TMEM181: variants seen among roughly 807,000 people sequenced by gnomAD.
TMEM181 encodes transmembrane protein 181, also known as G protein-coupled receptor 178.
In TMEM181, 39 loss-of-function variants were observed where a neutral mutation model predicts 71.9. The observed-to-expected ratio is 0.54, with a 90% CI of 0.42 to 0.71. The LOEUF is 0.71. Ranked by LOEUF, TMEM181 falls within the 30% of genes least tolerant of loss-of-function variation. The probability of loss-of-function intolerance (pLI) is 0.00; values close to 1 mark genes in which losing one functional copy is unlikely to be tolerated. For synonymous variants in TMEM181, 245 were observed against 228.8 expected (o/e 1.07, Z -0.64); for missense variants, 595 against 583.0 (o/e 1.02, Z -0.21).
In TMEM181 at chr6:158,567,265, C is replaced by T. The variant is rs1438442523; in HGVS notation, c.9-6155C>T. ...GTCTTCCTGGCCTGGGTAGCTGGGC[C>T]GAGGACTTCCTCAGCTGGCATGCTG... On this transcript the variant is annotated intron_variant, in intron 1 of 16. Coordinates refer to ENST00000684151, the MANE Select transcript of TMEM181 (RefSeq NM_001376852.1). Among the ~76,000 whole-genome samples the T allele has an allele frequency of 4.6e-5, 7 of 152,120 alleles. No individual in the cohort carries two copies. In the East Asian group the frequency reaches 7.7e-4, roughly 17 times the overall value.
chr6:158,581,933 T>G (rs1044146158), intron 3 of TMEM181, among the ~76,000 whole-genome samples: 1 of 152,136 alleles, frequency 6.6e-6, no homozygotes, highest in Non-Finnish European at 1.5e-5. Flanking sequence ...ACAGTTGCCC[T>G]GTATCTTCGA....
intron 11 of TMEM181, among the ~76,000 whole-genome samples, chr6:158,624,496 G>C (rs950625613): frequency 6.6e-6 from 1 of 152,238 alleles, no homozygotes; most frequent in African/African-American, 2.4e-5. Flanking sequence ...TGTCCACCCC[G>C]CGGCCTGGCC....
At position 158,541,835 on chromosome 6, in the gene TMEM181, T is replaced by C. The variant is rs561810673; in HGVS notation, c.131+4970T>C. 7.2e-5 allele frequency among the ~76,000 whole-genome samples: 11 copies of C among 152,160 alleles called. No individual in the cohort carries two copies. The East Asian group carries it at 1.9e-3, about 27-fold the overall frequency. ...GTGTAACTATTGACTGACAACTCTG[T>C]CTTTTGTTTCTTTTTTTGGTGGGAG... On this transcript the variant is annotated intron_variant, in intron 1 of 16. Coordinates refer to the TMEM181 transcript ENST00000367090.
intron 4 of TMEM181, among the ~76,000 whole-genome samples, chr6:158,584,453 G>A (rs538214654): frequency 6.6e-6 from 1 of 152,290 alleles, no homozygotes. Flanking sequence ...AGTGGGTAGA[G>A]GGCAGAGGTG....
intron 10 of TMEM181, chr6:158,611,483 C>A (rs750057136): frequency 1.4e-4 from 76 of 528,624 alleles, no homozygotes; most frequent in Non-Finnish European, 2.2e-4. Flanking sequence ...TCGTATCATT[C>A]TGACTCTCAG....
At chr6:158,615,183 A>G (rs1004100316) in intron 10 of TMEM181, among the ~76,000 whole-genome samples, 3 of 152,068 alleles carry the variant, frequency 2.0e-5, no homozygotes, top group Non-Finnish European at 4.4e-5. Flanking sequence ...TGCCATTCTA[A>G]CTGGTGTGAG....
rs1166712211 is a variant in TMEM181 at position 158,632,339 on chromosome 6, T to C, written c.*451T>C. On this transcript the variant is annotated 3_prime_UTR_variant, in exon 17 of 17. Coordinates refer to ENST00000684151, the MANE Select transcript of TMEM181 (RefSeq NM_001376852.1). Reference sequence around the variant, plus strand: ...ACCCTTTAAACTCAAAGGGAAGCCTTATCTGTGGCTGCTTCAGGGCAGTCC... The same window carrying C: ...ACCCTTTAAACTCAAAGGGAAGCCTCATCTGTGGCTGCTTCAGGGCAGTCC... 5.6e-5 allele frequency: 10 copies of C among 179,384 alleles called. No individual in the cohort carries two copies. The South Asian group carries it at 1.1e-3, about 20-fold the overall frequency. 11.1% of individuals were successfully genotyped at this position (179,384 alleles called of 1,614,324 possible). A position where few individuals can be genotyped will look rare whatever the true frequency, so the allele number is the denominator to read the frequency against.
rs1268666697 is a variant in TMEM181, at chr6:158,608,607, A to G, written c.805-52A>G. On this transcript the variant is annotated intron_variant, in intron 9 of 16. Coordinates refer to ENST00000684151, the MANE Select transcript of TMEM181 (RefSeq NM_001376852.1). ...TCAATGGAAAAATCACGTTATGTAC[A>G]ATTACCAATTTGGTTTTCTTTATTT... 4 of 1,597,034 alleles carry G rather than the reference A, an allele frequency of 2.5e-6. No homozygotes were observed. The African/African-American group carries it at 5.4e-5, about 22-fold the overall frequency.
In TMEM181 at chr6:158,554,480, A is replaced by G. The variant is rs546487906; in HGVS notation, c.131+17615A>G. Among the ~76,000 whole-genome samples, 6 of 152,306 alleles carry G rather than the reference A, an allele frequency of 3.9e-5. No homozygotes were observed. In the South Asian group the frequency reaches 8.3e-4, roughly 21 times the overall value. ...GGTGATCCACCTGCCTCAGCCTCCCAAAGTGCTAGGATTATAGGCGTGAGC... is the reference window on the plus strand; with the variant it reads ...GGTGATCCACCTGCCTCAGCCTCCCGAAGTGCTAGGATTATAGGCGTGAGC... On this transcript the variant is annotated intron_variant, in intron 1 of 16. Transcript: ENST00000367090.
chr6:158,544,182 A>AGAGAGT (rs149735409), intron 1 of TMEM181, among the ~76,000 whole-genome samples: 8 of 127,552 alleles, frequency 6.3e-5, no homozygotes, highest in African/African-American at 2.4e-4. Flanking sequence ...AATTGGAGAG[A>AGAGAGT]GTGTGTGTGT....
In TMEM181 at chr6:158,632,569, A is replaced by G. The variant is rs1786722005; in HGVS notation, c.*681A>G. ...ATAAGTTGAATAAGGAAAGGCTAAG[A>G]TAATTTACAGGTTACCAACTCATGT... On this transcript the variant is annotated 3_prime_UTR_variant, in exon 17 of 17. Transcript: ENST00000684151. 1 of 152,494 alleles carries G rather than the reference A, an allele frequency of 6.6e-6. No homozygotes were observed. The highest frequency in any genetic ancestry group is 1.5e-5 in the Non-Finnish European group (1 of 68,250). 9.4% of individuals were successfully genotyped at this position (152,494 alleles called of 1,614,324 possible).
intron 13 of TMEM181, among the ~76,000 whole-genome samples, chr6:158,626,874 T>A (rs13203451): frequency 7.4e-6 from 1 of 135,956 alleles, no homozygotes; most frequent in African/African-American, 2.8e-5. Flanking sequence ...ACCCTCACTC[T>A]CACACTCTCA....
chr6:158,603,662 C>A (rs955166740), intron 6 of TMEM181, among the ~76,000 whole-genome samples: 1 of 147,784 alleles, frequency 6.8e-6, no homozygotes, highest in African/African-American at 2.5e-5. Context: ...CAATCTCTGT[C>A]GTGTCTAATC....
Position 158,633,908 on chromosome 6 carries a change from C to T in TMEM181, c.*2020C>T, listed in dbSNP as rs1786799786. On this transcript the variant is annotated 3_prime_UTR_variant, in exon 17 of 17. Transcript: ENST00000684151. ...AAACTGATGAAGATGTGCTGATTAA[C>T]ATATTCTGTGATATGGTTTACAACT... 6.6e-6 allele frequency: 1 copy of T among 152,142 alleles called. No individual in the cohort carries two copies. The highest frequency in any genetic ancestry group is 2.1e-4 in the South Asian group (1 of 4,834). The allele number at this position is 152,142 out of a possible 1,614,324, so 9.4% of individuals were successfully genotyped here.
At chr6:158,602,961 C>T (rs1021750691) in intron 6 of TMEM181, among the ~76,000 whole-genome samples, 2 of 152,178 alleles carry the variant, frequency 1.3e-5, no homozygotes, top group Admixed American at 1.3e-4. Context: ...TCCACCTTAT[C>T]TTTGTCCTTA....
intron 1 of TMEM181, among the ~76,000 whole-genome samples, chr6:158,554,611 C>T (rs1035744780): frequency 1.3e-5 from 2 of 152,194 alleles, no homozygotes; most frequent in African/African-American, 4.8e-5. Flanking sequence ...AACCTATTCA[C>T]AACATTAAGT....
chr6:158,623,762 ATT>A lies in TMEM181; in HGVS notation c.954+170_954+171del, dbSNP rs34320485. Among the ~76,000 whole-genome samples the A allele has an allele frequency of 6.3e-3, 905 of 144,008 alleles. 6 individuals carry two copies. Among genetic ancestry groups the A allele is most frequent in the African/African-American group, 0.016 (639 of 38,770 alleles). The allele number at this position is 144,008 out of a possible 152,430, so 94.5% of individuals were successfully genotyped here. On this transcript the variant is annotated intron_variant, in intron 11 of 16. Transcript: ENST00000684151. ...GTTCAAGGGTGGAAGATTTGGGGAA[ATT>A]TTTTTTTTTTTTTTGAGTTGGAGTC...
At chr6:158,627,034 C>T (rs1252798760) in intron 13 of TMEM181, among the ~76,000 whole-genome samples, 1 of 149,964 alleles carries the variant, frequency 6.7e-6, no homozygotes, top group Non-Finnish European at 1.5e-5. Flanking sequence ...CTCACACATC[C>T]TTACACACAC....
chr6:158,542,499 G>A (rs1291148088), intron 1 of TMEM181, among the ~76,000 whole-genome samples: 1 of 152,176 alleles, frequency 6.6e-6, no homozygotes, highest in Non-Finnish European at 1.5e-5. Flanking sequence ...AGTCTGTATC[G>A]TATGCACTTA....
Sources: gnomAD v4.1 joint callset for allele counts (sites outside exome capture counted in the v4.1 genomes callset) on GRCh38, gnomAD v4.1.1 for gene constraint, MANE v1.5 for transcripts, NCBI Gene and HGNC (gene_info 2026-07-23, HGNC 2026-07-21) for gene names.